MMS22L: variants seen among roughly 807,000 people sequenced by gnomAD.
MMS22L encodes the protein MMS22 like, DNA repair protein.
MMS22L carries 74 observed loss-of-function variants against 159.1 expected under a neutral mutation model. The ratio of observed to expected loss-of-function variants is 0.47; its 90% CI spans 0.39 to 0.56. The LOEUF (loss-of-function observed/expected upper bound fraction) is 0.56, where lower values mean the gene tolerates loss of function less well. Among genes scored for constraint, MMS22L ranks in the 20% least tolerant of loss-of-function variants. The pLI is 0.00. For synonymous variants in MMS22L, 517 were observed against 506.9 expected, an observed-to-expected ratio of 1.02 and a Z score of -0.27; for missense variants, 1,351 against 1,422.1, an observed-to-expected ratio of 0.95 and a Z score of 0.80.
intron 15 of MMS22L, among the ~76,000 whole-genome samples, chr6:97,184,820 AG>A (rs2128278666): frequency 6.6e-6 from 1 of 152,242 alleles, no homozygotes; most frequent in South Asian, 2.1e-4. Flanking sequence ...CCTAGCAGCC[AG>A]AGGACTCTTA....
intron 23 of MMS22L, among the ~76,000 whole-genome samples, chr6:97,150,913 C>G (rs1415972477): frequency 6.6e-6 from 1 of 152,086 alleles, no homozygotes; most frequent in Admixed American, 6.6e-5. Flanking sequence ...GGGAACAAGA[C>G]AGGGAAGAAA....
chr6:97,209,266 T>G (rs898670077), intron 14 of MMS22L, among the ~76,000 whole-genome samples: 6 of 152,080 alleles, frequency 3.9e-5, no homozygotes, highest in Non-Finnish European at 7.4e-5. Flanking sequence ...AATCTAATCC[T>G]TATTTTTGCA....
chr6:97,186,631 T>C lies in MMS22L; in HGVS notation c.2099A>G (p.Gln700Arg). Residue 700 changes from glutamine to arginine, a missense_variant, in exon 15 of 25, where the codon CAG becomes CGG. Transcript: ENST00000683635. Reference protein sequence around the residue: ...LQRDNVDLFVQSSLSAKERHL... With the variant: ...LQRDNVDLFVRSSLSAKERHL... Reference sequence around the variant, plus strand: ...GCGCTCTTTAGCCGATAATGAAGACTGTACAAATAGGTCCACATTGTCCCT... The same window carrying C: ...GCGCTCTTTAGCCGATAATGAAGACCGTACAAATAGGTCCACATTGTCCCT... 6.2e-7 allele frequency: 1 copy of C among 1,607,696 alleles called. No homozygotes were observed.
intron 10 of MMS22L, among the ~76,000 whole-genome samples, chr6:97,252,760 C>A (rs918882646): frequency 6.6e-6 from 1 of 151,936 alleles, no homozygotes; most frequent in Non-Finnish European, 1.5e-5. Context: ...GCCATACTTA[C>A]TTACATTGAT....
chr6:97,153,353 T>C (rs1047028028), intron 22 of MMS22L, among the ~76,000 whole-genome samples: 3 of 146,958 alleles, frequency 2.0e-5, no homozygotes, highest in Non-Finnish European at 4.5e-5. Flanking sequence ...CTACTTTCTG[T>C]CTCTACAGAT....
At chr6:97,232,032 A>G (rs1810929035) in intron 12 of MMS22L, among the ~76,000 whole-genome samples, 2 of 152,196 alleles carry the variant, frequency 1.3e-5, no homozygotes, top group East Asian at 3.9e-4. Flanking sequence ...CATGTTCTAA[A>G]TTTAGCTGCT....
chr6:97,243,404 A>C (rs1767833487), intron 11 of MMS22L, among the ~76,000 whole-genome samples: 1 of 151,954 alleles, frequency 6.6e-6, no homozygotes, highest in Admixed American at 6.6e-5. Flanking sequence ...GCATTTCTCT[A>C]AATGTGTCTT....
At chr6:97,174,844 T>G (rs2128260233) in intron 18 of MMS22L, among the ~76,000 whole-genome samples, 1 of 152,284 alleles carries the variant, frequency 6.6e-6, no homozygotes, top group African/African-American at 2.4e-5. Flanking sequence ...AAGTTGGACA[T>G]GCTGACAATA....
rs752680615 is a variant in MMS22L at position 97,173,104 on chromosome 6, T to C, written c.2798A>G (p.Lys933Arg). ...LKYIKPYLGKKVFSAGLQLTY... is the reference protein window; with the variant it reads ...LKYIKPYLGKRVFSAGLQLTY... ...CAGCTGCAGCCCTGCACTGAAAACT[T>C]TTTTTCCCAAATAAGGCTTAATATA... Residue 933 changes from lysine to arginine, a missense_variant, in exon 19 of 25, where the codon AAA (lysine) becomes AGA (arginine). Physicochemically the swap from Lys to Arg is conservative, Grantham distance 26. Transcript: ENST00000683635. 12 of 1,613,372 alleles carry C rather than the reference T, an allele frequency of 7.4e-6. No homozygotes were observed. The highest frequency in any genetic ancestry group is 2.2e-5 in the South Asian group (2 of 90,928).
intron 22 of MMS22L, among the ~76,000 whole-genome samples, chr6:97,158,504 C>T (rs1802089916): frequency 6.6e-6 from 1 of 152,006 alleles, no homozygotes; most frequent in South Asian, 2.1e-4. Flanking sequence ...GATTCTGGTA[C>T]GTTATATCTT....
intron 10 of MMS22L, 180 bp downstream of exon 10, chr6:97,254,377 A>G: frequency 1.7e-6 from 1 of 576,894 alleles, no homozygotes; most frequent in Non-Finnish European, 2.9e-6. Flanking sequence ...TTTTAATTAA[A>G]CAATTAAAAC....
intron 24 of MMS22L, among the ~76,000 whole-genome samples, chr6:97,148,693 GAA>G (rs1322111312): frequency 1.3e-5 from 2 of 151,818 alleles, no homozygotes; most frequent in South Asian, 2.1e-4. Context: ...GTTAAAAAAA[GAA>G]AAAGTTTAAA....
chr6:97,160,448 C>A (rs1335359509), intron 22 of MMS22L, among the ~76,000 whole-genome samples: 1 of 152,008 alleles, frequency 6.6e-6, no homozygotes, highest in Non-Finnish European at 1.5e-5. Flanking sequence ...GTCTCTGGCC[C>A]CCAGTTTCCT....
At chr6:97,158,424 T>C (rs975548309) in intron 22 of MMS22L, among the ~76,000 whole-genome samples, 3 of 152,232 alleles carry the variant, frequency 2.0e-5, no homozygotes, top group Non-Finnish European at 4.4e-5. Context: ...TTTTAGATCT[T>C]TCTGCTTTCT....
chr6:97,216,836 T>G (rs6929533), intron 14 of MMS22L, among the ~76,000 whole-genome samples: 115,063 of 152,154 alleles, frequency 0.76, 44,517 homozygotes, highest in Middle Eastern at 0.84. Flanking sequence ...CCTCATCCCA[T>G]CATCTTTTGA....
intron 20 of MMS22L, among the ~76,000 whole-genome samples, chr6:97,166,436 GAA>G (rs1802964627): frequency 6.6e-6 from 1 of 151,942 alleles, no homozygotes; most frequent in Admixed American, 6.6e-5. Context: ...AAGAAATTCT[GAA>G]AGTTTATTTG....
chr6:97,273,163 A>G, intron 4 of MMS22L, 101 bp from the exon 5 acceptor site: 1 of 877,844 alleles, frequency 1.1e-6, no homozygotes, highest in Non-Finnish European at 1.8e-6. Flanking sequence ...TCTATCTTGT[A>G]ACATTTTATA....
In MMS22L at chr6:97,178,642, A is replaced by G. The variant is rs1804367582; in HGVS notation, c.2537-57T>C. ...ATTTATATAACATACTATATACATAACCACACATACAACATATATATAATG... is the reference window on the plus strand; with the variant it reads ...ATTTATATAACATACTATATACATAGCCACACATACAACATATATATAATG... On this transcript the variant is annotated intron_variant, in intron 17 of 24. Transcript: ENST00000683635. The G allele has an allele frequency of 8.4e-6, 7 of 834,306 alleles. No homozygotes were observed. In the South Asian group the frequency reaches 1.7e-4, roughly 21 times the overall value. The allele number at this position is 834,306 out of a possible 1,614,324, so 51.7% of individuals were successfully genotyped here. A position where few individuals can be genotyped will look rare whatever the true frequency, so the allele number is the denominator to read the frequency against.
intron 21 of MMS22L, among the ~76,000 whole-genome samples, chr6:97,163,489 T>C (rs1802654004): frequency 6.6e-6 from 1 of 152,212 alleles, no homozygotes; most frequent in Non-Finnish European, 1.5e-5. Flanking sequence ...ACATTTTCAC[T>C]GTGTGTTAAG....
Sources: allele counts gnomAD v4.1 joint callset (sites outside exome capture counted in the v4.1 genomes callset), GRCh38; gene constraint gnomAD v4.1.1; transcripts MANE v1.5; gene names NCBI Gene and HGNC (gene_info 2026-07-23, HGNC 2026-07-21).